USH2A: variants seen among roughly 807,000 people sequenced by gnomAD.
USH2A encodes Usher syndrome 2A (autosomal recessive, mild).
Under a neutral mutation model 538.9 loss-of-function variants are expected in USH2A, and 443 were observed. That is an observed-to-expected ratio of 0.82 (90% confidence interval 0.76 to 0.89). The LOEUF is 0.89. Among genes scored for constraint, USH2A ranks in the 40% least tolerant of loss-of-function variants. The pLI is 0.00. For synonymous variants in USH2A, 2,413 were observed against 2,273.5 expected, an observed-to-expected ratio of 1.06 and a Z score of -1.75; for missense variants, 6,633 against 6,324.8, an observed-to-expected ratio of 1.05 and a Z score of -1.65.
rs575817527 is a variant in USH2A, at chr1:216,182,567, G to A, written c.4397-7085C>T. 9.2e-5 allele frequency among the ~76,000 whole-genome samples: 14 copies of A among 152,114 alleles called. No homozygotes were observed. In the South Asian group the frequency reaches 2.9e-3, roughly 31 times the overall value. ...AGTAAAAAGCAGTTAATTTTGTTTT[G>A]TTAGAAATAATATCATTTTAGTTTT... On this transcript the variant is annotated intron_variant, in intron 20 of 71. Coordinates refer to ENST00000307340, the MANE Select transcript of USH2A (RefSeq NM_206933.4).
At chr1:215,631,220 G>A (rs1462857365) in intron 70 of USH2A, among the ~76,000 whole-genome samples, 3 of 151,498 alleles carry the variant, frequency 2.0e-5, no homozygotes, top group Non-Finnish European at 1.5e-5. Context: ...GTCACATGAG[G>A]GGGAGAAGTG....
chr1:216,343,479 T>C (rs1293179488), intron 4 of USH2A, among the ~76,000 whole-genome samples: 1 of 148,306 alleles, frequency 6.7e-6, no homozygotes, highest in East Asian at 2.0e-4. Context: ...TAGGATACGA[T>C]CATGCCACTG....
chr1:215,730,781 A>G (rs542257936), intron 60 of USH2A, among the ~76,000 whole-genome samples: 120 of 152,306 alleles, frequency 7.9e-4, no homozygotes, highest in African/African-American at 2.5e-3. Context: ...GTCACCTGCA[A>G]TTATGGTTCG....
At chr1:215,854,672 G>A (rs1664110202) in intron 44 of USH2A, among the ~76,000 whole-genome samples, 1 of 152,212 alleles carries the variant, frequency 6.6e-6, no homozygotes, top group Non-Finnish European at 1.5e-5. Flanking sequence ...GAGCTTTATA[G>A]ACTGGCTTGA....
chr1:216,110,835 A>T (rs183673653), intron 21 of USH2A, among the ~76,000 whole-genome samples: 1 of 152,292 alleles, frequency 6.6e-6, no homozygotes, highest in East Asian at 1.9e-4. Flanking sequence ...TCAATAAATA[A>T]ATGTTCATAG....
chr1:216,173,001 G>A (rs2034300723), intron 21 of USH2A, among the ~76,000 whole-genome samples: 2 of 152,080 alleles, frequency 1.3e-5, no homozygotes, highest in Non-Finnish European at 2.9e-5. Context: ...GGCACAATGG[G>A]CAAGTCACTC....
chr1:216,313,862 T>C (rs2037463903), intron 9 of USH2A, among the ~76,000 whole-genome samples: 2 of 152,190 alleles, frequency 1.3e-5, no homozygotes, highest in South Asian at 4.1e-4. Context: ...CTGGCTTTCA[T>C]TGTGGCTGTT....
chr1:215,822,498 T>G, intron 47 of USH2A, among the ~76,000 whole-genome samples: 1 of 152,128 alleles, frequency 6.6e-6, no homozygotes, highest in East Asian at 1.9e-4. Flanking sequence ...CTAAATTTGT[T>G]CATCAGTTCT....
intron 35 of USH2A, among the ~76,000 whole-genome samples, chr1:215,978,404 G>A (rs2102464624): frequency 6.6e-6 from 1 of 152,126 alleles, no homozygotes; most frequent in African/African-American, 2.4e-5. Context: ...AAATTTTTAG[G>A]AATTTCACTT....
intron 64 of USH2A, 52 bp from the exon 65 acceptor site, chr1:215,650,853 G>GAAA (rs371744542): frequency 8.6e-4 from 1,058 of 1,231,110 alleles, no homozygotes; most frequent in South Asian, 8.1e-3. Flanking sequence ...CTAAGGCTGG[G>GAAA]AAAAAAAAAA....
chr1:215,924,594 TCAGA>T (rs1558164211), intron 38 of USH2A, among the ~76,000 whole-genome samples: 2 of 116,558 alleles, frequency 1.7e-5, no homozygotes, highest in Non-Finnish European at 3.5e-5. Flanking sequence ...GCAGTGTCAG[TCAGA>T]CAGACATGAT....
At chr1:216,169,207 A>G (rs551082878) in intron 21 of USH2A, among the ~76,000 whole-genome samples, 87 of 152,242 alleles carry the variant, frequency 5.7e-4, no homozygotes, top group African/African-American at 2.0e-3. Context: ...GTGACAATGC[A>G]TTTTGAAAAA....
chr1:216,113,063 G>A (rs1195771353), intron 21 of USH2A, among the ~76,000 whole-genome samples: 1 of 149,238 alleles, frequency 6.7e-6, no homozygotes, highest in East Asian at 2.0e-4. Context: ...TTCCTTCCTT[G>A]GAACGATTAA....
chr1:215,840,278 G>A (rs1458440447), intron 46 of USH2A, among the ~76,000 whole-genome samples: 2 of 147,154 alleles, frequency 1.4e-5, no homozygotes, highest in African/African-American at 5.0e-5. Flanking sequence ...TAATTCTAAA[G>A]TATTAGGCAT....
intron 35 of USH2A, among the ~76,000 whole-genome samples, chr1:215,984,092 C>T (rs1472911595): frequency 2.0e-5 from 3 of 152,108 alleles, no homozygotes; most frequent in Non-Finnish European, 2.9e-5. Flanking sequence ...CAACAGGAAG[C>T]CAGAGAGAGA....
At chr1:215,661,339 T>C (rs1657428393) in intron 64 of USH2A, among the ~76,000 whole-genome samples, 1 of 152,278 alleles carries the variant, frequency 6.6e-6, no homozygotes. Context: ...TTCAGGTTCT[T>C]TGTTTCTCCT....
chr1:215,668,505 A>C (rs1657702294), intron 64 of USH2A, among the ~76,000 whole-genome samples: 1 of 152,210 alleles, frequency 6.6e-6, no homozygotes, highest in Non-Finnish European at 1.5e-5. Context: ...CTAATAAATA[A>C]AAATTGGAGA....
intron 37 of USH2A, among the ~76,000 whole-genome samples, chr1:215,936,719 C>A (rs190145045): frequency 2.1e-4 from 32 of 152,132 alleles, no homozygotes; most frequent in African/African-American, 7.0e-4. Context: ...GTAGCAATTA[C>A]CTACCTATTC....
chr1:216,135,134 A>ACTCTCTCTCT (rs10560983), intron 21 of USH2A, among the ~76,000 whole-genome samples: 1 of 120,934 alleles, frequency 8.3e-6, no homozygotes, highest in Non-Finnish European at 1.7e-5. Context: ...GGAGCCTGAA[A>ACTCTCTCTCT]CTCTCTCTCT....
Sources: allele counts gnomAD v4.1 joint callset (sites outside exome capture counted in the v4.1 genomes callset), GRCh38; gene constraint gnomAD v4.1.1; transcripts MANE v1.5; gene names NCBI Gene and HGNC (gene_info 2026-07-23, HGNC 2026-07-21).